The following CA5B variants were observed in gnomAD, a reference collection of about 807,000 sequenced individuals.
CA5B encodes the protein carbonic anhydrase 5B, also known as carbonic anhydrase 5B, mitochondrial.
CA5B carries 15 observed loss-of-function variants against 23.1 expected under a neutral mutation model. The ratio of observed to expected loss-of-function variants is 0.65; its 90% CI spans 0.43 to 1.00. The LOEUF (loss-of-function observed/expected upper bound fraction) is 1.00, where lower values mean the gene tolerates loss of function less well. Ranked by LOEUF, CA5B falls within the 50% of genes least tolerant of loss-of-function variation. CA5B has a pLI of 0.00. For synonymous variants in CA5B, 84 were observed against 98.5 expected, an observed-to-expected ratio of 0.85 and a Z score of 0.87; for missense variants, 236 against 252.2, an observed-to-expected ratio of 0.94 and a Z score of 0.43.
chrX:15,762,779 A>G (rs747687418), intron 2 of CA5B: 5 of 357,865 alleles, frequency 1.4e-5, no homozygotes, highest in Non-Finnish European at 1.7e-5. Flanking sequence ...TGTTTCTCCT[A>G]GTTTTCCTGT....
chrX:15,760,844 A>G (rs775162852), intron 2 of CA5B, among the ~76,000 whole-genome samples: 60 of 112,169 alleles, frequency 5.3e-4, no homozygotes, highest in Non-Finnish European at 9.6e-4. Context: ...TTTTCAGATC[A>G]TTTGAATCCT....
chrX:15,743,774 A>G (rs1931169480), intron 1 of CA5B, among the ~76,000 whole-genome samples: 1 of 111,670 alleles, frequency 9.0e-6, no homozygotes, highest in Admixed American at 9.6e-5. Flanking sequence ...TCCCCTGGGC[A>G]TCTGCTTGGC....
In CA5B at chrX:15,787,306, A is replaced by G. The variant is rs760158351; in HGVS notation, c.*4642A>G. 11 of 112,192 alleles carry G rather than the reference A, an allele frequency of 9.8e-5. No individual in the cohort carries two copies. The highest frequency in any genetic ancestry group is 1.9e-4 in the Non-Finnish European group (10 of 53,236). The allele number at this position is 112,192 out of a possible 1,213,427, so 9.2% of individuals were successfully genotyped here. ...TCAGGCAGTTCCTCCATATCAGGAT[A>G]TTGCATTCCCAGTGCATTCTACAGT... On this transcript the variant is annotated 3_prime_UTR_variant, in exon 8 of 8. Transcript: ENST00000318636.
chrX:15,759,553 A>T (rs1418124196), intron 2 of CA5B, among the ~76,000 whole-genome samples: 1 of 110,472 alleles, frequency 9.1e-6, no homozygotes, highest in Non-Finnish European at 1.9e-5. Flanking sequence ...AATTTCTCTT[A>T]TTTATAAGCC....
intron 1 of CA5B, among the ~76,000 whole-genome samples, chrX:15,747,486 T>A (rs748742687): frequency 1.8e-5 from 2 of 108,357 alleles, no homozygotes; most frequent in Non-Finnish European, 3.8e-5. Context: ...GGAATTTGCT[T>A]CAAAATAAGC....
Position 15,772,408 on chromosome X carries a change from G to A in CA5B, c.341-88G>A, listed in dbSNP as rs1931837380. On this transcript the variant is annotated intron_variant, in intron 3 of 7. Transcript: ENST00000318636. ...GTAATCCATTTAAGACAGTTCACAT[G>A]GAGGGTCCATTGGAGATTTGGCCTT... is the stretch of plus-strand genomic sequence containing the variant. 2.0e-5 allele frequency: 11 copies of A among 540,986 alleles called. No homozygotes were observed. In the South Asian group the frequency reaches 3.3e-4, roughly 16 times the overall value. The allele number at this position is 540,986 out of a possible 1,213,427, so 44.6% of individuals were successfully genotyped here.
At chrX:15,766,173 A>C (rs1159731083) in intron 3 of CA5B, among the ~76,000 whole-genome samples, 1 of 108,262 alleles carries the variant, frequency 9.2e-6, no homozygotes, top group Non-Finnish European at 1.9e-5. Context: ...AAAAAAAAAA[A>C]AAAAAGTAAA....
At chrX:15,767,905 T>TG in intron 3 of CA5B, among the ~76,000 whole-genome samples, 1 of 91,025 alleles carries the variant, frequency 1.1e-5, no homozygotes, top group Admixed American at 1.2e-4. Flanking sequence ...GCCTTTTTTT[T>TG]TTTTTTTTTT....
intron 2 of CA5B, among the ~76,000 whole-genome samples, chrX:15,752,673 C>G (rs147090549): frequency 1.1e-4 from 12 of 109,198 alleles, no homozygotes; most frequent in Non-Finnish European, 1.9e-4. Context: ...TGCAGTGAGC[C>G]GAGATCGCGC....
chrX:15,750,997 A>G (rs1484403123), intron 2 of CA5B, among the ~76,000 whole-genome samples: 1 of 112,060 alleles, frequency 8.9e-6, no homozygotes, highest in Non-Finnish European at 1.9e-5. Flanking sequence ...CTGTCTGCAG[A>G]CATTGCCAAA....
At position 15,785,276 on chromosome X, in the gene CA5B, C is replaced by T. The variant is rs748781337; in HGVS notation, c.*2612C>T. 8.9e-6 allele frequency: 1 copy of T among 112,237 alleles called. No individual in the cohort carries two copies. The highest frequency in any genetic ancestry group is 3.7e-4 in the South Asian group (1 of 2,717). The allele number at this position is 112,237 out of a possible 1,213,427, so 9.2% of individuals were successfully genotyped here. A position where few individuals can be genotyped will look rare whatever the true frequency, so the allele number is the denominator to read the frequency against. On this transcript the variant is annotated 3_prime_UTR_variant, in exon 8 of 8. Transcript: ENST00000318636. ...AGGTTCTGGAAGCATCCCAAATGTC[C>T]ATCAACAGATGAATAGATAAAGGAA...
chrX:15,742,926 A>G (rs1048551116), intron 1 of CA5B, among the ~76,000 whole-genome samples: 10 of 112,278 alleles, frequency 8.9e-5, no homozygotes, highest in African/African-American at 2.9e-4. Context: ...ACACCCTACA[A>G]TGCACACAGC....
chrX:15,772,569 C>CT lies in CA5B; in HGVS notation c.415dup (p.Trp139LeufsTer4), dbSNP rs1476476890. ...ATTTTCACTGGGGGGCCATCGATGC[C>CT]TGGGGTTCTGAGCACACCGTGGACA... On this transcript the variant is annotated frameshift_variant, in exon 4 of 8. Transcript: ENST00000318636. LOFTEE classifies it high-confidence loss of function. The CT allele has an allele frequency of 8.3e-7, 1 of 1,205,409 alleles. No individual in the cohort carries two copies. Among genetic ancestry groups the CT allele is most frequent in the Non-Finnish European group, 1.1e-6 (1 of 891,638 alleles).
intron 2 of CA5B, among the ~76,000 whole-genome samples, chrX:15,757,280 G>A (rs940319432): frequency 1.2e-3 from 129 of 111,406 alleles, no homozygotes; most frequent in African/African-American, 4.1e-3. Context: ...GGAGGCCAAG[G>A]CGGGCAGATC....
chrX:15,740,476 A>G (rs759131063), intron 1 of CA5B, among the ~76,000 whole-genome samples: 4 of 112,538 alleles, frequency 3.6e-5, no homozygotes, highest in Non-Finnish European at 7.5e-5. Context: ...AGGTATTGCA[A>G]TCAAGCATTA....
intron 7 of CA5B, among the ~76,000 whole-genome samples, chrX:15,777,497 C>A (rs1264624435): frequency 9.0e-6 from 1 of 110,842 alleles, no homozygotes; most frequent in Non-Finnish European, 1.9e-5. Context: ...TTTTATGAAG[C>A]CAGCATAACT....
intron 2 of CA5B, among the ~76,000 whole-genome samples, chrX:15,760,524 C>T (rs1178500730): frequency 1.2e-4 from 13 of 111,571 alleles, no homozygotes; most frequent in Admixed American, 1.1e-3. Flanking sequence ...GGAACAGGCT[C>T]AGTTTTCTTG....
intron 3 of CA5B, chrX:15,766,996 C>A: frequency 2.0e-6 from 1 of 494,571 alleles, no homozygotes; most frequent in Non-Finnish European, 3.1e-6. Context: ...AAGCTAAATT[C>A]CTGTGTTCTG....
At chrX:15,761,941 T>C (rs1008093840) in intron 2 of CA5B, among the ~76,000 whole-genome samples, 18 of 111,940 alleles carry the variant, frequency 1.6e-4, no homozygotes, top group Admixed American at 1.3e-3. Flanking sequence ...TTTTTATAAA[T>C]AAAACAAAAC....
Sources: allele counts gnomAD v4.1 joint callset (sites outside exome capture counted in the v4.1 genomes callset), GRCh38; gene constraint gnomAD v4.1.1; transcripts MANE v1.5; gene names NCBI Gene and HGNC (gene_info 2026-07-23, HGNC 2026-07-21).